Variants in TGFBR1 observed in about 807,000 individuals in gnomAD.
The protein encoded by TGFBR1 is TGF-beta receptor type-1.
Under a neutral mutation model 55.1 loss-of-function variants are expected in TGFBR1, and 20 were observed. That is an observed-to-expected ratio of 0.36 (90% CI 0.26 to 0.53). The LOEUF is 0.53. TGFBR1 is among the 20% of genes least tolerant of loss of function. The pLI, the probability that TGFBR1 is intolerant of heterozygous loss-of-function variation, is 0.91. For synonymous variants in TGFBR1, 220 were observed against 214.8 expected, an observed-to-expected ratio of 1.02 and a Z score of -0.21; for missense variants, 385 against 617.6, an observed-to-expected ratio of 0.62 and a Z score of 3.99.
At position 99,132,502 on chromosome 9, in the gene TGFBR1, T is replaced by A; in HGVS notation, c.344-7T>A. 6.2e-7 allele frequency: 1 copy of A among 1,613,978 alleles called. No homozygotes were observed. Among genetic ancestry groups the A allele is most frequent in the Non-Finnish European group, 8.5e-7 (1 of 1,180,020 alleles). On this transcript the variant is annotated splice_region_variant and splice_polypyrimidine_tract_variant and intron_variant, in intron 2 of 8. Transcript: ENST00000374994. ...TGATGTTTATTTCACTCGAGGCCCT[T>A]TTTCAGTAAAGTCATCACCTGGCCT...
At chr9:99,105,469 G>A (rs1826382189) in intron 1 of TGFBR1, among the ~76,000 whole-genome samples, 167 bp downstream of exon 1, 1 of 149,232 alleles carries the variant, frequency 6.7e-6, no homozygotes, top group Non-Finnish European at 1.5e-5. Context: ...CGGCTGCCGG[G>A]CGAACCGCAA....
intron 1 of TGFBR1, among the ~76,000 whole-genome samples, chr9:99,109,903 C>T (rs1231628789): frequency 6.6e-6 from 1 of 152,192 alleles, no homozygotes; most frequent in Non-Finnish European, 1.5e-5. Context: ...AGTTTTGACC[C>T]AGCCTAACTC....
rs940181954 is a variant in TGFBR1, at chr9:99,153,704, A to G, written c.*4399A>G. The G allele has an allele frequency of 5.0e-6, 1 of 200,374 alleles. No individual in the cohort carries two copies. Among genetic ancestry groups the G allele is most frequent in the Non-Finnish European group, 1.0e-5 (1 of 96,772 alleles). The allele number at this position is 200,374 out of a possible 1,614,324, so 12.4% of individuals were successfully genotyped here. A position where few individuals can be genotyped will look rare whatever the true frequency, so the allele number is the denominator to read the frequency against. Reference sequence around the variant, plus strand: ...TATACGTTGGAATGAGTCATGCCATATGTAGTTGCTGTAGATGGCAACTAG... The same window carrying G: ...TATACGTTGGAATGAGTCATGCCATGTGTAGTTGCTGTAGATGGCAACTAG... On this transcript the variant is annotated 3_prime_UTR_variant, in exon 9 of 9. Transcript: ENST00000374994.
intron 3 of TGFBR1, among the ~76,000 whole-genome samples, chr9:99,133,425 G>T (rs1827312162): frequency 6.6e-6 from 1 of 152,178 alleles, no homozygotes; most frequent in South Asian, 2.1e-4. Flanking sequence ...GTGGATTTTG[G>T]CATAGCAGTG....
At chr9:99,119,404 G>A (rs11466452) in intron 1 of TGFBR1, among the ~76,000 whole-genome samples, 1 of 152,164 alleles carries the variant, frequency 6.6e-6, no homozygotes, top group African/African-American at 2.4e-5. Context: ...ACAGCCACTC[G>A]TGCTTTCCAA....
intron 1 of TGFBR1, among the ~76,000 whole-genome samples, chr9:99,105,524 G>T (rs1461105085): frequency 2.7e-5 from 4 of 150,804 alleles, no homozygotes; most frequent in Non-Finnish European, 5.9e-5. Context: ...GGGCGCGGGC[G>T]GACGTGTCCG....
intron 1 of TGFBR1, among the ~76,000 whole-genome samples, chr9:99,125,024 C>A (rs1291370482): frequency 6.6e-6 from 1 of 151,704 alleles, no homozygotes; most frequent in African/African-American, 2.4e-5. Context: ...CAAAAAAAAA[C>A]AAAATTCAAA....
chr9:99,128,707 A>T, intron 1 of TGFBR1, 148 bp from the exon 2 acceptor site: 1 of 1,048,316 alleles, frequency 9.5e-7, no homozygotes, highest in Non-Finnish European at 1.4e-6. Flanking sequence ...TAAGAGCAAC[A>T]AATAGTTGTT....
rs750385997 is a variant in TGFBR1 at position 99,142,739 on chromosome 9, A to C, written c.973+36A>C. On this transcript the variant is annotated intron_variant, in intron 5 of 8. Transcript: ENST00000374994. Reference sequence around the variant, plus strand: ...AAGCAGTTCTATTATTTAAGCTTTAAATTTTCATGAATAATGTCTATGAAA... The same window carrying C: ...AAGCAGTTCTATTATTTAAGCTTTACATTTTCATGAATAATGTCTATGAAA... 10 of 1,607,682 alleles carry C rather than the reference A, an allele frequency of 6.2e-6. No homozygotes were observed. In the African/African-American group the frequency reaches 1.1e-4, roughly 17 times the overall value.
intron 1 of TGFBR1, among the ~76,000 whole-genome samples, chr9:99,120,406 C>G (rs907193234): frequency 2.0e-5 from 3 of 152,114 alleles, no homozygotes; most frequent in Non-Finnish European, 1.5e-5. Context: ...CTTTTCAGGG[C>G]CTGGGGTAAG....
chr9:99,113,446 T>G (rs1826642749), intron 1 of TGFBR1, among the ~76,000 whole-genome samples: 1 of 152,252 alleles, frequency 6.6e-6, no homozygotes, highest in South Asian at 2.1e-4. Flanking sequence ...CTTAAGTTTT[T>G]CTTTCAGTTT....
At chr9:99,125,082 GA>G (rs1827001602) in intron 1 of TGFBR1, among the ~76,000 whole-genome samples, 1 of 152,026 alleles carries the variant, frequency 6.6e-6, no homozygotes, top group Non-Finnish European at 1.5e-5. Flanking sequence ...TTTTGCAGTA[GA>G]AAAAAATAGC....
At chr9:99,144,412 A>AT (rs1487199019) in intron 5 of TGFBR1, among the ~76,000 whole-genome samples, 1 of 152,232 alleles carries the variant, frequency 6.6e-6, no homozygotes, top group Non-Finnish European at 1.5e-5. Context: ...GGCTGCTGGA[A>AT]TATCAGTCTA....
chr9:99,149,282 C>G lies in TGFBR1; in HGVS notation c.1489C>G (p.Gln497Glu), dbSNP rs749879202. 1 of 1,613,790 alleles carries G rather than the reference C, an allele frequency of 6.2e-7. No individual in the cohort carries two copies. The highest frequency in any genetic ancestry group is 8.5e-7 in the Non-Finnish European group (1 of 1,179,842). The change falls in exon 9 of 9, where the codon CAA becomes GAA. Residue 497 changes from glutamine to glutamate, a missense_variant. Gln to Glu is a conservative substitution (Grantham distance 29). This residue lies in a region of TGFBR1 where 110 missense variants were observed against 154.6 expected (regional missense o/e 0.71). Transcript: ENST00000374994. ...RIKKTLSQLS[Q>E]QEGIKM ...TAAGAAAACATTATCGCAACTCAGT[C>G]AACAGGAAGGCATCAAAATGTAATT...
At chr9:99,105,401 G>A (rs1588555225) in intron 1 of TGFBR1, 99 bp downstream of exon 1, 7 of 948,136 alleles carry the variant, frequency 7.4e-6, no homozygotes, top group Admixed American at 6.3e-5. Flanking sequence ...GCGGGGCCGG[G>A]GGCGCAGGTG....
At chr9:99,135,390 TC>T (rs1827400898) in intron 3 of TGFBR1, among the ~76,000 whole-genome samples, 1 of 152,214 alleles carries the variant, frequency 6.6e-6, no homozygotes, top group Non-Finnish European at 1.5e-5. Context: ...TTTGTAATAC[TC>T]TGTTTTTAGT....
At chr9:99,105,083 A>C, upstream of TGFBR1, 2 of 652,924 alleles carry the variant, frequency 3.1e-6, no homozygotes, top group Non-Finnish European at 3.9e-6. Context: ...TCCTCCGAGC[A>C]GTTACAAAGG....
Position 99,132,505 on chromosome 9 carries a change from T to A in TGFBR1, c.344-4T>A. ...TGTTTATTTCACTCGAGGCCCTTTT[T>A]CAGTAAAGTCATCACCTGGCCTTGG... On this transcript the variant is annotated splice_region_variant and splice_polypyrimidine_tract_variant and intron_variant, in intron 2 of 8. Transcript: ENST00000374994. 6.2e-7 allele frequency: 1 copy of A among 1,614,018 alleles called. No individual in the cohort carries two copies. Among genetic ancestry groups the A allele is most frequent in the Non-Finnish European group, 8.5e-7 (1 of 1,180,026 alleles).
At chr9:99,104,923 A>G (rs1357739234), upstream of TGFBR1, among the ~76,000 whole-genome samples, 3 of 150,970 alleles carry the variant, frequency 2.0e-5, no homozygotes, top group African/African-American at 7.3e-5. Context: ...GCCCCCGGGG[A>G]GCGTGGGGCG....
Sources: gnomAD v4.1 joint callset for allele counts (sites outside exome capture counted in the v4.1 genomes callset) on GRCh38, gnomAD v4.1.1 for gene constraint, gnomAD v4.1.1 regional missense constraint, MANE v1.5 for transcripts, NCBI Gene and HGNC (gene_info 2026-07-23, HGNC 2026-07-21) for gene names.